The following PLXNA4 variants were observed in gnomAD, a reference collection of about 807,000 sequenced individuals.
PLXNA4 encodes plexin A4.
PLXNA4 carries 44 observed loss-of-function variants against 191.8 expected under a neutral mutation model. That is an observed-to-expected ratio of 0.23 (90% CI 0.18 to 0.29). The LOEUF (loss-of-function observed/expected upper bound fraction) is 0.29. PLXNA4 is among the 10% of genes least tolerant of loss of function. The probability of loss-of-function intolerance (pLI) is 1.00; values close to 1 mark genes in which losing one functional copy is unlikely to be tolerated. For synonymous variants in PLXNA4, 1,082 were observed against 1,009.5 expected (o/e 1.07, Z -1.36); for missense variants, 1,800 against 2,488.8 (o/e 0.72, Z 5.89).
chr7:132,292,634 T>C (rs907827189), intron 4 of PLXNA4, among the ~76,000 whole-genome samples: 2 of 152,180 alleles, frequency 1.3e-5, no homozygotes, highest in African/African-American at 4.8e-5. Flanking sequence ...TCTATAAGAA[T>C]ATACCTGGCC....
intron 11 of PLXNA4, 143 bp from the exon 12 acceptor site, chr7:132,202,979 A>G: frequency 1.1e-6 from 1 of 880,578 alleles, no homozygotes; most frequent in Non-Finnish European, 1.7e-6. Flanking sequence ...ATTCTGATGC[A>G]AAAAAGAACC....
intron 2 of PLXNA4, among the ~76,000 whole-genome samples, chr7:132,618,555 C>G (rs73432836): frequency 6.6e-6 from 1 of 152,170 alleles, no homozygotes; most frequent in Non-Finnish European, 1.5e-5. Context: ...TGCTTCCCTC[C>G]AGTTCTGCCT....
chr7:132,333,773 TC>T (rs1458972637), intron 3 of PLXNA4, among the ~76,000 whole-genome samples: 1 of 152,080 alleles, frequency 6.6e-6, no homozygotes, highest in Admixed American at 6.6e-5. Context: ...TTCCCAAGGG[TC>T]CTGTGGGGAT....
chr7:132,323,102 C>T (rs1463933317), intron 3 of PLXNA4, among the ~76,000 whole-genome samples: 1 of 152,232 alleles, frequency 6.6e-6, no homozygotes, highest in African/African-American at 2.4e-5. Flanking sequence ...GGGAGAGACT[C>T]ATAACTCAGG....
chr7:132,485,060 A>T, intron 3 of PLXNA4: 7 of 1,608,042 alleles, frequency 4.4e-6, no homozygotes, highest in Non-Finnish European at 5.1e-6. Context: ...TGAGAAAAAA[A>T]AATTAGGAAG....
Position 132,130,939 on chromosome 7 carries a change from T to C in PLXNA4, c.5590-365A>G, listed in dbSNP as rs186676785. Among the ~76,000 whole-genome samples the C allele has an allele frequency of 2.0e-5, 3 of 152,268 alleles. No individual in the cohort carries two copies. In the East Asian group the frequency reaches 5.8e-4, roughly 30 times the overall value. ...AGGTTAGACAGCAGCTAGTTCCATA[T>C]CCGATGGAAATGCGTAGTGCTCAGC... On this transcript the variant is annotated intron_variant, in intron 31 of 31. Transcript: ENST00000321063.
At chr7:132,498,529 A>G (rs1798120918) in intron 2 of PLXNA4, among the ~76,000 whole-genome samples, 1 of 152,170 alleles carries the variant, frequency 6.6e-6, no homozygotes, top group Non-Finnish European at 1.5e-5. Flanking sequence ...CCCATGATTC[A>G]ATTACCTCCC....
chr7:132,171,183 A>G (rs1360117004), intron 21 of PLXNA4, among the ~76,000 whole-genome samples: 1 of 152,220 alleles, frequency 6.6e-6, no homozygotes, highest in Admixed American at 6.5e-5. Flanking sequence ...AATAGTAGAT[A>G]ATGTCATTTC....
Position 132,226,314 on chromosome 7 carries a change from A to T in PLXNA4, c.1883-54T>A. 6 of 1,486,340 alleles carry T rather than the reference A, an allele frequency of 4.0e-6. No homozygotes were observed. The South Asian group carries it at 6.9e-5, about 17-fold the overall frequency. 92.1% of individuals were successfully genotyped at this position (1,486,340 alleles called of 1,614,324 possible). A position where few individuals can be genotyped will look rare whatever the true frequency, so the allele number is the denominator to read the frequency against. ...GGAATGCTGAGGCCCCAAGCCAGGGATTCCCTGACCAGTGACACCTGCTGG... is the reference window on the plus strand; with the variant it reads ...GGAATGCTGAGGCCCCAAGCCAGGGTTTCCCTGACCAGTGACACCTGCTGG... On this transcript the variant is annotated intron_variant, in intron 7 of 31. Coordinates refer to ENST00000321063, the MANE Select transcript of PLXNA4 (RefSeq NM_020911.2).
At chr7:132,595,620 A>G (rs1016890833) in intron 2 of PLXNA4, among the ~76,000 whole-genome samples, 12 of 152,194 alleles carry the variant, frequency 7.9e-5, no homozygotes, top group African/African-American at 2.9e-4. Context: ...CAACAGAGGA[A>G]AACTTGTCCA....
chr7:132,199,880 C>T (rs1797376867), intron 12 of PLXNA4, among the ~76,000 whole-genome samples: 1 of 152,138 alleles, frequency 6.6e-6, no homozygotes, highest in African/African-American at 2.4e-5. Context: ...TGAGCGTGTG[C>T]AGGGGTGTGA....
intron 5 of PLXNA4, among the ~76,000 whole-genome samples, chr7:132,239,473 G>C: frequency 6.6e-6 from 1 of 152,150 alleles, no homozygotes; most frequent in East Asian, 1.9e-4. Context: ...ATTATGCCAG[G>C]TAGGAAAGCC....
At chr7:132,386,463 C>G (rs1354435642) in intron 3 of PLXNA4, among the ~76,000 whole-genome samples, 1 of 152,224 alleles carries the variant, frequency 6.6e-6, no homozygotes, top group Non-Finnish European at 1.5e-5. Flanking sequence ...AGGAAGCCTT[C>G]TCACTGGCTT....
chr7:132,423,419 A>C (rs772146210), intron 3 of PLXNA4, among the ~76,000 whole-genome samples: 1 of 152,148 alleles, frequency 6.6e-6, no homozygotes, highest in Non-Finnish European at 1.5e-5. Context: ...ACAATCTGTC[A>C]CACTGCAGCA....
At chr7:132,370,244 C>G (rs1007322833) in intron 3 of PLXNA4, among the ~76,000 whole-genome samples, 2 of 152,132 alleles carry the variant, frequency 1.3e-5, no homozygotes, top group African/African-American at 4.8e-5. Context: ...AAATGCTGTT[C>G]TGGTGAGTGG....
At chr7:132,465,773 G>C (rs957200280) in intron 3 of PLXNA4, among the ~76,000 whole-genome samples, 1 of 152,148 alleles carries the variant, frequency 6.6e-6, no homozygotes, top group Admixed American at 6.5e-5. Flanking sequence ...AAGCAGGTTT[G>C]GTGGGAAGGA....
At chr7:132,640,837 C>T (rs6948781) in intron 2 of PLXNA4, among the ~76,000 whole-genome samples, 87,437 of 151,548 alleles carry the variant, frequency 0.58, 25,684 homozygotes, top group African/African-American at 0.66. Context: ...ACTTAGAACT[C>T]TTACACTTAT....
intron 10 of PLXNA4, among the ~76,000 whole-genome samples, chr7:132,207,330 T>C (rs527950254): frequency 6.6e-6 from 1 of 152,362 alleles, no homozygotes; most frequent in African/African-American, 2.4e-5. Context: ...CCGCGGAAGC[T>C]GGGCCTGGCC....
chr7:132,367,489 AG>A (rs1000493028), intron 3 of PLXNA4, among the ~76,000 whole-genome samples: 5 of 118,748 alleles, frequency 4.2e-5, no homozygotes, highest in Admixed American at 4.0e-4. Flanking sequence ...GGAAGAAGAA[AG>A]GGGGGGTGAA....
Sources: gnomAD v4.1 joint callset for allele counts (sites outside exome capture counted in the v4.1 genomes callset) on GRCh38, gnomAD v4.1.1 for gene constraint, MANE v1.5 for transcripts, NCBI Gene and HGNC (gene_info 2026-07-23, HGNC 2026-07-21) for gene names.